The following FUT8 variants were observed in gnomAD, a reference collection of about 807,000 sequenced individuals.
The protein encoded by FUT8 is alpha-(1,6)-fucosyltransferase.
A neutral mutation model predicts 71.3 loss-of-function variants in FUT8; 29 were observed. The observed-to-expected ratio is 0.41, with a 90% CI of 0.30 to 0.55. The LOEUF (loss-of-function observed/expected upper bound fraction) is 0.55. Among genes scored for constraint, FUT8 ranks in the 20% least tolerant of loss-of-function variants. The probability of loss-of-function intolerance (pLI) is 0.34; values close to 1 mark genes in which losing one functional copy is unlikely to be tolerated. For missense variants in FUT8, 544 were observed against 702.1 expected (o/e 0.77, Z 2.55); for synonymous variants, 254 against 239.3 (o/e 1.06, Z -0.57).
chr14:65,687,731 GACTTATTCTC>G (rs1418988027), intron 7 of FUT8, among the ~76,000 whole-genome samples: 1 of 149,440 alleles, frequency 6.7e-6, no homozygotes, highest in Non-Finnish European at 1.5e-5. Flanking sequence ...TGCCAGCCAT[GACTTATTCTC>G]CCCAACCTTT....
intron 6 of FUT8, among the ~76,000 whole-genome samples, chr14:65,662,351 A>ACTCCGGCCTGAG (rs1235144089): frequency 3.3e-5 from 5 of 152,166 alleles, no homozygotes; most frequent in African/African-American, 1.2e-4. Context: ...GCACCACTGC[A>ACTCCGGCCTGAG]CTCCGGCCTG....
intron 6 of FUT8, among the ~76,000 whole-genome samples, chr14:65,656,668 T>C (rs555273019): frequency 6.6e-6 from 1 of 152,202 alleles, no homozygotes; most frequent in Admixed American, 6.5e-5. Flanking sequence ...AAAACCAGAA[T>C]AGTCAAAGCT....
intron 2 of FUT8, among the ~76,000 whole-genome samples, chr14:65,534,668 C>G (rs1351258742): frequency 2.7e-5 from 4 of 148,584 alleles, no homozygotes; most frequent in Non-Finnish European, 4.4e-5. Flanking sequence ...TGTATGTGTT[C>G]AGGAATTTAT....
chr14:65,649,230 T>C (rs1251800227), intron 6 of FUT8, among the ~76,000 whole-genome samples: 4 of 152,224 alleles, frequency 2.6e-5, no homozygotes, highest in Non-Finnish European at 5.9e-5. Context: ...ATTCTGCCAA[T>C]AAAACAGCCC....
chr14:65,572,796 C>T (rs936090705), intron 3 of FUT8, among the ~76,000 whole-genome samples: 2 of 152,006 alleles, frequency 1.3e-5, no homozygotes, highest in African/African-American at 4.8e-5. Flanking sequence ...TGTGAAATAC[C>T]TGAGGCAAAA....
Position 65,660,729 on chromosome 14 carries a change from A to T in FUT8, c.598-8514A>T, listed in dbSNP as rs1039091515. Among the ~76,000 whole-genome samples the T allele has an allele frequency of 6.6e-6, 1 of 152,166 alleles. No individual in the cohort carries two copies. The highest frequency in any genetic ancestry group is 1.5e-5 in the Non-Finnish European group (1 of 68,020). On this transcript the variant is annotated intron_variant, in intron 6 of 10. Transcript: ENST00000673929. The surrounding 1 kb of genome is among the most constrained non-coding windows in gnomAD (Gnocchi z 4.1). ...ATTCTTGTTTAATATGTTAAGGGAC[A>T]ATAATTTCTGGTCTTGGCTTTTAAA...
chr14:65,596,023 A>G (rs1474759472), intron 3 of FUT8, among the ~76,000 whole-genome samples: 1 of 152,222 alleles, frequency 6.6e-6, no homozygotes, highest in Non-Finnish European at 1.5e-5. Context: ...CACCTGGGCT[A>G]GGAAATATAA....
At chr14:65,493,235 T>C (rs1203493302) in intron 2 of FUT8, among the ~76,000 whole-genome samples, 1 of 152,174 alleles carries the variant, frequency 6.6e-6, no homozygotes, top group East Asian at 1.9e-4. Flanking sequence ...GTGAAGATAC[T>C]TTTTACAGAA....
chr14:65,590,360 T>C (rs1332225626), intron 3 of FUT8, among the ~76,000 whole-genome samples: 4 of 152,178 alleles, frequency 2.6e-5, no homozygotes, highest in Non-Finnish European at 4.4e-5. Flanking sequence ...AAAAAGAAAC[T>C]CACATGGAAG....
intron 1 of FUT8, among the ~76,000 whole-genome samples, chr14:65,449,340 A>G (rs2065788199): frequency 6.6e-6 from 1 of 152,224 alleles, no homozygotes; most frequent in African/African-American, 2.4e-5. Context: ...TAGCAGACAA[A>G]ACAGACTTTT....
In FUT8 at chr14:65,669,142, C is replaced by T. The variant is rs551885094; in HGVS notation, c.598-101C>T. On this transcript the variant is annotated intron_variant, in intron 6 of 10. Coordinates refer to ENST00000673929, the MANE Select transcript of FUT8 (RefSeq NM_001371533.1). This position sits in a 1 kb window ranked among gnomAD's most constrained non-coding sequence, Gnocchi z 4.5. ...CACACAATTTATCTATAGAACAAAC[C>T]TGCATGTGTACCCCTGAAGATGAAA... 263 of 813,912 alleles carry T rather than the reference C, an allele frequency of 3.2e-4. No individual in the cohort carries two copies. The African/African-American group carries it at 4.1e-3, about 13-fold the overall frequency. The allele number at this position is 813,912 out of a possible 1,614,324, so 50.4% of individuals were successfully genotyped here. A position where few individuals can be genotyped will look rare whatever the true frequency, so the allele number is the denominator to read the frequency against.
chr14:65,384,711 A>C, the FUT8 span, among the ~76,000 whole-genome samples: 1 of 152,162 alleles, frequency 6.6e-6, no homozygotes, highest in South Asian at 2.1e-4. The surrounding 1 kb of genome is among the most constrained non-coding windows in gnomAD (Gnocchi z 4.2). Context: ...TGTTGGGTGC[A>C]TTTAAATGCA....
intron 2 of FUT8, among the ~76,000 whole-genome samples, chr14:65,495,120 A>G (rs1354489415): frequency 6.7e-6 from 1 of 149,464 alleles, no homozygotes; most frequent in African/African-American, 2.5e-5. Flanking sequence ...TTTTCTTTTT[A>G]TAGGATTTAA....
At chr14:65,679,506 T>C (rs539690881) in intron 7 of FUT8, among the ~76,000 whole-genome samples, 1 of 152,332 alleles carries the variant, frequency 6.6e-6, no homozygotes, top group South Asian at 2.1e-4. Context: ...CCCATTTGTT[T>C]TATGTATGCA....
intron 6 of FUT8, among the ~76,000 whole-genome samples, chr14:65,630,027 A>G (rs1286526927): frequency 6.6e-6 from 1 of 152,214 alleles, no homozygotes; most frequent in African/African-American, 2.4e-5. Context: ...ATGAAGGAAA[A>G]GAATGTACCA....
intron 2 of FUT8, among the ~76,000 whole-genome samples, chr14:65,529,820 A>G (rs1294419261): frequency 6.6e-6 from 1 of 152,108 alleles, no homozygotes; most frequent in Non-Finnish European, 1.5e-5. Context: ...CTAGAGTAAC[A>G]TTTACTCTTG....
At chr14:65,595,154 A>T (rs1887899452) in intron 3 of FUT8, among the ~76,000 whole-genome samples, 1 of 152,168 alleles carries the variant, frequency 6.6e-6, no homozygotes, top group Non-Finnish European at 1.5e-5. Context: ...TATGCATTAG[A>T]ATATTTAATC....
At chr14:65,397,796 T>A in the FUT8 span, among the ~76,000 whole-genome samples, 1 of 152,276 alleles carries the variant, frequency 6.6e-6, no homozygotes. This position sits in a 1 kb window ranked among gnomAD's most constrained non-coding sequence, Gnocchi z 4.2. Context: ...ATAGCTCACA[T>A]TTATTTCAGT....
At chr14:65,644,285 T>TTA (rs1164265285) in intron 6 of FUT8, among the ~76,000 whole-genome samples, 1 of 151,400 alleles carries the variant, frequency 6.6e-6, no homozygotes, top group South Asian at 2.1e-4. Context: ...ATTATTCATG[T>TTA]TATATATATA....
Sources: gnomAD v4.1 joint callset for allele counts (sites outside exome capture counted in the v4.1 genomes callset) on GRCh38, gnomAD v4.1.1 for gene constraint, Gnocchi (gnomAD v3.1) non-coding constraint, MANE v1.5 for transcripts, NCBI Gene and HGNC (gene_info 2026-07-23, HGNC 2026-07-21) for gene names.